The following PLSCR2 variants were observed in gnomAD, a reference collection of about 807,000 sequenced individuals.
PLSCR2 encodes PL scramblase 2.
A neutral mutation model predicts 25.3 loss-of-function variants in PLSCR2; 18 were observed. The ratio of observed to expected loss-of-function variants is 0.71; its 90% CI spans 0.49 to 1.06. The LOEUF (loss-of-function observed/expected upper bound fraction) is 1.06, where lower values mean the gene tolerates loss of function less well. Ranked by LOEUF, PLSCR2 falls within the 50% of genes least tolerant of loss-of-function variation. The pLI is 0.00. For missense variants in PLSCR2, 243 were observed against 269.5 expected, an observed-to-expected ratio of 0.90 and a Z score of 0.69; for synonymous variants, 88 against 87.3, an observed-to-expected ratio of 1.01 and a Z score of -0.04.
intron 2 of PLSCR2, among the ~76,000 whole-genome samples, chr3:146,425,722 A>G (rs981387950): frequency 2.0e-5 from 3 of 151,906 alleles, no homozygotes; most frequent in Non-Finnish European, 4.4e-5. Context: ...TGAAAATAAA[A>G]TAAGTACTAT....
At chr3:146,438,559 G>C (rs1391218771), downstream of PLSCR2, among the ~76,000 whole-genome samples, 2 of 152,026 alleles carry the variant, frequency 1.3e-5, no homozygotes, top group East Asian at 3.9e-4. Context: ...GATCTTTGTT[G>C]GTTTAAAGTC....
intron 1 of PLSCR2, among the ~76,000 whole-genome samples, chr3:146,478,314 C>T (rs2042996226): frequency 6.6e-6 from 1 of 152,088 alleles, no homozygotes. Flanking sequence ...CATGTTCTAA[C>T]CCATTGCAAG....
At chr3:146,489,505 G>T (rs1576752572) in intron 1 of PLSCR2, among the ~76,000 whole-genome samples, 1 of 151,980 alleles carries the variant, frequency 6.6e-6, no homozygotes, top group East Asian at 1.9e-4. Flanking sequence ...ATCATGTTCT[G>T]TTCCCTCCAG....
rs1351574897 is a variant in PLSCR2 at position 146,453,867 on chromosome 3, G to A, written c.483+135C>T. On this transcript the variant is annotated intron_variant, in intron 5 of 6. Coordinates refer to ENST00000610787, the Ensembl canonical transcript of PLSCR2. ...AGTAATAACCTCCACTCTGACCAAA[G>A]TTAAATATATGGGAACATTATCTTG... The A allele has an allele frequency of 2.9e-5, 18 of 628,118 alleles. No individual in the cohort carries two copies. The East Asian group carries it at 5.2e-4, about 18-fold the overall frequency. The allele number at this position is 628,118 out of a possible 1,614,324, so 38.9% of individuals were successfully genotyped here. A position where few individuals can be genotyped will look rare whatever the true frequency, so the allele number is the denominator to read the frequency against.
intron 1 of PLSCR2, among the ~76,000 whole-genome samples, chr3:146,478,497 T>C (rs758633021): frequency 5.3e-5 from 8 of 152,090 alleles, no homozygotes; most frequent in Non-Finnish European, 7.3e-5. Context: ...GTATTGGTGA[T>C]TGAAGATCAA....
downstream of PLSCR2, chr3:146,433,268 C>T (rs923903301): frequency 2.0e-5 from 3 of 152,128 alleles, no homozygotes; most frequent in East Asian, 3.9e-4. Context: ...TCTCAAATCT[C>T]ACTAAAATTC....
intron 2 of PLSCR2, among the ~76,000 whole-genome samples, chr3:146,406,734 C>T (rs1472655375): frequency 6.6e-6 from 1 of 152,134 alleles, no homozygotes; most frequent in Non-Finnish European, 1.5e-5. Context: ...GAATGCCATC[C>T]ACCTTCAGAG....
Position 146,449,519 on chromosome 3 carries a change from G to A in PLSCR2, c.484-152C>T, listed in dbSNP as rs147929229. 1.7e-3 allele frequency: 804 copies of A among 475,734 alleles called. 2 individuals carry two copies. The highest frequency in any genetic ancestry group is 0.015 in the African/African-American group (741 of 50,060). 29.5% of individuals were successfully genotyped at this position (475,734 alleles called of 1,614,324 possible). A position where few individuals can be genotyped will look rare whatever the true frequency, so the allele number is the denominator to read the frequency against. ...AATATGTTATATTAGATGCATATAG[G>A]CTCCTGTATATTTATAGATACATAA... On this transcript the variant is annotated intron_variant, in intron 5 of 6. Coordinates refer to ENST00000610787, the Ensembl canonical transcript of PLSCR2.
chr3:146,428,743 T>G (rs1043879070), downstream of PLSCR2, among the ~76,000 whole-genome samples: 2 of 152,220 alleles, frequency 1.3e-5, no homozygotes, highest in Non-Finnish European at 2.9e-5. Flanking sequence ...TCTACACTTC[T>G]GTGAGATGAG....
chr3:146,478,244 G>A (rs1353049208), intron 1 of PLSCR2, among the ~76,000 whole-genome samples: 2 of 152,172 alleles, frequency 1.3e-5, no homozygotes, highest in Non-Finnish European at 2.9e-5. Flanking sequence ...TTACTTTGAC[G>A]AGATGACAGA....
At chr3:146,411,998 AAGT>A (rs1559975414) in intron 2 of PLSCR2, among the ~76,000 whole-genome samples, 1 of 38,900 alleles carries the variant, frequency 2.6e-5, no homozygotes, top group African/African-American at 6.3e-5. Context: ...TGCACAAGTT[AAGT>A]CCTTGAGGAA....
At chr3:146,450,607 G>A (rs2040833485) in intron 5 of PLSCR2, among the ~76,000 whole-genome samples, 2 of 152,180 alleles carry the variant, frequency 1.3e-5, no homozygotes, top group Non-Finnish European at 2.9e-5. Flanking sequence ...TTGGTCTCAG[G>A]TAAATAGCTA....
intron 1 of PLSCR2, among the ~76,000 whole-genome samples, chr3:146,470,663 T>A (rs916793502): frequency 6.6e-6 from 1 of 151,772 alleles, no homozygotes; most frequent in Non-Finnish European, 1.5e-5. Flanking sequence ...CTAACCAAGG[T>A]TGACACAAAC....
In PLSCR2 at chr3:146,455,485, C is replaced by T. The variant is rs756046896; in HGVS notation, c.101-26G>A. 5 of 1,373,966 alleles carry T rather than the reference C, an allele frequency of 3.6e-6. No homozygotes were observed. The East Asian group carries it at 6.9e-5, about 19-fold the overall frequency. The allele number at this position is 1,373,966 out of a possible 1,614,324, so 85.1% of individuals were successfully genotyped here. A position where few individuals can be genotyped will look rare whatever the true frequency, so the allele number is the denominator to read the frequency against. ...CTAAAAATGAAAATAAAATCAGTTGCCTTTACGTTAAAATGATTGAACCTA... is the reference window on the plus strand; with the variant it reads ...CTAAAAATGAAAATAAAATCAGTTGTCTTTACGTTAAAATGATTGAACCTA... On this transcript the variant is annotated intron_variant, in intron 3 of 6. Coordinates refer to ENST00000610787, the Ensembl canonical transcript of PLSCR2.
intron 1 of PLSCR2, among the ~76,000 whole-genome samples, chr3:146,480,954 A>G (rs1352642606): frequency 2.0e-5 from 3 of 152,188 alleles, no homozygotes; most frequent in Non-Finnish European, 4.4e-5. Context: ...AACATAATCC[A>G]TCACATAAAC....
chr3:146,473,483 T>G (rs1038021474), intron 1 of PLSCR2, among the ~76,000 whole-genome samples: 1 of 151,990 alleles, frequency 6.6e-6, no homozygotes, highest in African/African-American at 2.4e-5. Flanking sequence ...TTTTTGTATT[T>G]TTAGTAGAGA....
chr3:146,454,026 G>A, exon 5 of PLSCR2: 1 of 1,594,778 alleles, frequency 6.3e-7, no homozygotes, highest in Non-Finnish European at 8.5e-7. Flanking sequence ...CCGCAATACA[G>A]CTGCACACGA....
chr3:146,418,313 A>G (rs1055599620), intron 2 of PLSCR2, among the ~76,000 whole-genome samples: 5 of 152,132 alleles, frequency 3.3e-5, no homozygotes, highest in Non-Finnish European at 4.4e-5. Context: ...TACAGTATCT[A>G]CTTAAGTCCA....
exon 5 of PLSCR2, chr3:146,454,109 G>T (rs2041059482): frequency 6.2e-7 from 1 of 1,607,000 alleles, no homozygotes; most frequent in Admixed American, 1.7e-5. Flanking sequence ...AGACATGGGT[G>T]CCAGGTCTGA....
Sources: gnomAD v4.1 joint callset for allele counts (sites outside exome capture counted in the v4.1 genomes callset) on GRCh38, gnomAD v4.1.1 for gene constraint, MANE v1.5 for transcripts, NCBI Gene and HGNC (gene_info 2026-07-23, HGNC 2026-07-21) for gene names.